The following PCDH9 variants were observed in gnomAD, a reference collection of about 807,000 sequenced individuals.
The protein encoded by PCDH9 is protocadherin 9.
A neutral mutation model predicts 70.6 loss-of-function variants in PCDH9; 24 were observed. That is an observed-to-expected ratio of 0.34 (90% CI 0.25 to 0.48). The LOEUF (loss-of-function observed/expected upper bound fraction) is 0.48, where lower values mean the gene tolerates loss of function less well. Ranked by LOEUF, PCDH9 falls within the 20% of genes least tolerant of loss-of-function variation. PCDH9 has a pLI of 0.99. For missense variants in PCDH9, 1,281 were observed against 1,503.6 expected (o/e 0.85, Z 2.45); for synonymous variants, 562 against 558.5 (o/e 1.01, Z -0.09).
intron 4 of PCDH9, among the ~76,000 whole-genome samples, chr13:66,308,680 G>A (rs955199318): frequency 1.3e-5 from 2 of 151,954 alleles, no homozygotes; most frequent in Non-Finnish European, 2.9e-5. Flanking sequence ...AGGGCTCTCT[G>A]AGGACTGGCT....
At chr13:66,345,573 T>C (rs2138156000) in intron 4 of PCDH9, among the ~76,000 whole-genome samples, 1 of 152,282 alleles carries the variant, frequency 6.6e-6, no homozygotes, top group South Asian at 2.1e-4. Context: ...GGCGGCATGC[T>C]GATTAATCAG....
chr13:67,058,266 A>T (rs564530130), intron 2 of PCDH9, among the ~76,000 whole-genome samples: 5 of 152,178 alleles, frequency 3.3e-5, no homozygotes, highest in Non-Finnish European at 7.3e-5. Flanking sequence ...GCGAACATAC[A>T]CATCATCCAA....
At chr13:67,205,332 C>A (rs893441225) in intron 2 of PCDH9, 4 of 152,156 alleles carry the variant, frequency 2.6e-5, no homozygotes, top group Admixed American at 2.0e-4. Flanking sequence ...CACCTTCAGT[C>A]AACATGTTGA....
At chr13:66,586,563 A>G (rs113371498) in intron 4 of PCDH9, among the ~76,000 whole-genome samples, 38 of 152,260 alleles carry the variant, frequency 2.5e-4, no homozygotes, top group African/African-American at 7.5e-4. Flanking sequence ...CTCAAGGTTC[A>G]CAGCAACAAA....
At chr13:67,159,339 T>C (rs1163293409) in intron 2 of PCDH9, among the ~76,000 whole-genome samples, 2 of 152,114 alleles carry the variant, frequency 1.3e-5, no homozygotes, top group African/African-American at 4.8e-5. Context: ...GTGAGGAGGT[T>C]AGAATTGATT....
chr13:66,577,138 A>G (rs946499228), intron 4 of PCDH9, among the ~76,000 whole-genome samples: 1 of 151,966 alleles, frequency 6.6e-6, no homozygotes. Context: ...TGAGATAAGA[A>G]TTATTGTTAT....
intron 4 of PCDH9, among the ~76,000 whole-genome samples, chr13:66,491,571 G>C (rs190757051): frequency 1.3e-5 from 2 of 152,016 alleles, no homozygotes; most frequent in Non-Finnish European, 2.9e-5. Flanking sequence ...TCTTTAGTTC[G>C]TATACTTTCC....
chr13:66,911,807 G>A (rs1438040063), intron 2 of PCDH9, among the ~76,000 whole-genome samples: 1 of 152,132 alleles, frequency 6.6e-6, no homozygotes, highest in East Asian at 1.9e-4. Context: ...TAAATAAGTG[G>A]ATGCAAGCAA....
chr13:66,840,709 C>T (rs2081101478), intron 3 of PCDH9, among the ~76,000 whole-genome samples: 2 of 152,290 alleles, frequency 1.3e-5, no homozygotes, highest in East Asian at 1.9e-4. Context: ...GCAGTTTTTC[C>T]ATATGCTACA....
intron 3 of PCDH9, among the ~76,000 whole-genome samples, chr13:66,642,131 A>G (rs1174552941): frequency 6.6e-6 from 1 of 152,144 alleles, no homozygotes; most frequent in African/African-American, 2.4e-5. Context: ...AAACTGATGC[A>G]CAAATACCAA....
intron 4 of PCDH9, among the ~76,000 whole-genome samples, chr13:66,382,346 CCTAGAA>C (rs1566283879): frequency 6.6e-6 from 1 of 151,776 alleles, no homozygotes; most frequent in African/African-American, 2.4e-5. Flanking sequence ...TCTGATGAGA[CCTAGAA>C]ACAGGATGTC....
intron 3 of PCDH9, among the ~76,000 whole-genome samples, chr13:66,761,467 A>C (rs2079626763): frequency 6.6e-6 from 1 of 152,114 alleles, no homozygotes; most frequent in Admixed American, 6.6e-5. Context: ...CCCACTCTTG[A>C]ATGCCAATCA....
chr13:66,870,830 T>C (rs374062417), intron 3 of PCDH9, among the ~76,000 whole-genome samples: 12 of 152,134 alleles, frequency 7.9e-5, no homozygotes, highest in Admixed American at 2.6e-4. Flanking sequence ...GTCAGTGTGG[T>C]GATTCCTCAG....
intron 2 of PCDH9, among the ~76,000 whole-genome samples, chr13:67,088,399 C>T (rs908304175): frequency 7.9e-5 from 12 of 152,024 alleles, no homozygotes; most frequent in African/African-American, 2.9e-4. Context: ...ACTGATACAT[C>T]TCGCATAGAG....
chr13:66,539,758 C>T (rs569647841), intron 4 of PCDH9, among the ~76,000 whole-genome samples: 18 of 151,994 alleles, frequency 1.2e-4, no homozygotes, highest in African/African-American at 3.6e-4. Flanking sequence ...TTAACATTTA[C>T]AATTTTTTTT....
chr13:66,642,150 T>G (rs1201595020), intron 3 of PCDH9, among the ~76,000 whole-genome samples: 1 of 152,058 alleles, frequency 6.6e-6, no homozygotes, highest in African/African-American at 2.4e-5. Context: ...AATACAAACA[T>G]GCTATATGTG....
intron 4 of PCDH9, among the ~76,000 whole-genome samples, chr13:66,476,375 A>C (rs1958729074): frequency 6.6e-6 from 1 of 152,252 alleles, no homozygotes; most frequent in Admixed American, 6.5e-5. Flanking sequence ...TATTACATAG[A>C]GATAGATAAA....
At chr13:66,443,934 G>A (rs114892302) in intron 4 of PCDH9, among the ~76,000 whole-genome samples, 2,094 of 152,086 alleles carry the variant, frequency 0.014, 39 homozygotes, top group African/African-American at 0.047. Context: ...CAAATTTCTT[G>A]TACATTCTTT....
chr13:66,892,587 C>T (rs2082114283), intron 3 of PCDH9, among the ~76,000 whole-genome samples: 1 of 151,474 alleles, frequency 6.6e-6, no homozygotes, highest in South Asian at 2.1e-4. Flanking sequence ...TAAATATTGG[C>T]ATGAATGGAA....
Sources: gnomAD v4.1 joint callset for allele counts (sites outside exome capture counted in the v4.1 genomes callset) on GRCh38, gnomAD v4.1.1 for gene constraint, MANE v1.5 for transcripts, NCBI Gene and HGNC (gene_info 2026-07-23, HGNC 2026-07-21) for gene names.